VIT: variants seen among roughly 807,000 people sequenced by gnomAD.
VIT encodes vitrin.
A neutral mutation model predicts 78.0 loss-of-function variants in VIT; 99 were observed. The observed-to-expected ratio is 1.27, with a 90% confidence interval of 1.08 to 1.50. The LOEUF (loss-of-function observed/expected upper bound fraction) is 1.50. Ranked by LOEUF, VIT falls within the 40% of genes most tolerant of loss-of-function variation. The probability of loss-of-function intolerance (pLI) is 0.00; values close to 1 mark genes in which losing one functional copy is unlikely to be tolerated. For missense variants in VIT, 1,126 were observed against 875.3 expected (o/e 1.29, Z -3.61); for synonymous variants, 374 against 334.3 (o/e 1.12, Z -1.29).
intron 5 of VIT, among the ~76,000 whole-genome samples, chr2:36,758,314 C>T (rs1280371242): frequency 2.6e-5 from 4 of 152,188 alleles, no homozygotes; most frequent in Non-Finnish European, 5.9e-5. Flanking sequence ...CAGTGGCATT[C>T]TCACTTTACT....
At chr2:36,715,530 C>T (rs1220760476) in intron 1 of VIT, among the ~76,000 whole-genome samples, 4 of 147,828 alleles carry the variant, frequency 2.7e-5, no homozygotes, top group East Asian at 3.9e-4. Context: ...AGTGAGACTA[C>T]GTCTAAAAAA....
At chr2:36,732,603 T>A (rs1184559410) in intron 3 of VIT, among the ~76,000 whole-genome samples, 1 of 152,186 alleles carries the variant, frequency 6.6e-6, no homozygotes, top group Non-Finnish European at 1.5e-5. Context: ...GAAGGCACAT[T>A]ATTCACTCAT....
At chr2:36,697,043 C>CT (rs1558493405) in intron 1 of VIT, 70 bp downstream of exon 1, 1 of 151,808 alleles carries the variant, frequency 6.6e-6, no homozygotes, top group Non-Finnish European at 1.5e-5. Flanking sequence ...ACGTATTTGT[C>CT]TTTAAGAAAC....
intron 1 of VIT, among the ~76,000 whole-genome samples, chr2:36,714,833 G>A (rs769463915): frequency 5.3e-5 from 8 of 152,090 alleles, no homozygotes; most frequent in Non-Finnish European, 1.0e-4. Flanking sequence ...CCATGGTGAC[G>A]TATTGGGTGG....
intron 15 of VIT, among the ~76,000 whole-genome samples, chr2:36,813,341 C>T (rs1301450130): frequency 3.3e-5 from 5 of 151,922 alleles, no homozygotes; most frequent in African/African-American, 9.7e-5. Flanking sequence ...CCTAGCTACT[C>T]GGGAGGCTGA....
chr2:36,715,485 G>A (rs1325169392), intron 1 of VIT, among the ~76,000 whole-genome samples: 2 of 149,308 alleles, frequency 1.3e-5, no homozygotes, highest in Non-Finnish European at 3.0e-5. Flanking sequence ...GTAGTGAGCC[G>A]AGATCACACC....
intron 4 of VIT, among the ~76,000 whole-genome samples, chr2:36,747,696 C>A (rs1056633311): frequency 6.6e-6 from 1 of 152,150 alleles, no homozygotes; most frequent in Non-Finnish European, 1.5e-5. Context: ...GGTCTTGTTT[C>A]TTAATCCAAC....
intron 2 of VIT, among the ~76,000 whole-genome samples, chr2:36,725,602 TG>T (rs112932967): frequency 0.056 from 2,738 of 48,712 alleles, 14 homozygotes; most frequent in Middle Eastern, 0.083. Context: ...AGTTGAGGGG[TG>T]GGGGGGGGGT....
intron 6 of VIT, among the ~76,000 whole-genome samples, chr2:36,764,945 G>A (rs1356910856): frequency 6.6e-6 from 1 of 151,790 alleles, no homozygotes; most frequent in Non-Finnish European, 1.5e-5. Flanking sequence ...CTATCTTCTT[G>A]GTCTGCTGTG....
intron 12 of VIT, among the ~76,000 whole-genome samples, chr2:36,788,918 G>T (rs1388857924): frequency 3.3e-5 from 5 of 152,166 alleles, no homozygotes; most frequent in African/African-American, 4.8e-5. Flanking sequence ...AACAAATGTT[G>T]CAGGGAAGGA....
At chr2:36,771,494 C>A (rs1669752752) in intron 7 of VIT, among the ~76,000 whole-genome samples, 1 of 149,502 alleles carries the variant, frequency 6.7e-6, no homozygotes, top group Non-Finnish European at 1.5e-5. Flanking sequence ...CCACTGCACT[C>A]CAGCCTGGGT....
rs78060583 is a variant in VIT, at chr2:36,730,693, T to C, written c.118+1202T>C. On this transcript the variant is annotated intron_variant, in intron 3 of 15. Transcript: ENST00000379242. Reference sequence around the variant, plus strand: ...CAGCAGTTCCTGAGCTCTTGTACCATGCCCAAGAAGAATGAGGATAAGCTG... The same window carrying C: ...CAGCAGTTCCTGAGCTCTTGTACCACGCCCAAGAAGAATGAGGATAAGCTG... Among the ~76,000 whole-genome samples, 1,260 of 152,302 alleles carry C rather than the reference T, an allele frequency of 8.3e-3. 27 individuals are homozygous for C. Among genetic ancestry groups the C allele is most frequent in the African/African-American group, 0.029 (1,216 of 41,570 alleles).
chr2:36,814,444 G>A lies in VIT; in HGVS notation c.*83G>A, dbSNP rs540539352. ...CCCCACCGCTTAATGGGGCACGCAC[G>A]GTGCATCAAGTCTTGGGCAGGGCAT... is the stretch of plus-strand genomic sequence containing the variant. On this transcript the variant is annotated 3_prime_UTR_variant, in exon 16 of 16. Coordinates refer to ENST00000379242, the MANE Select transcript of VIT (RefSeq NM_053276.4). 28 of 1,489,310 alleles carry A rather than the reference G, an allele frequency of 1.9e-5. No individual in the cohort carries two copies. The highest frequency in any genetic ancestry group is 1.2e-4 in the South Asian group (9 of 77,156). 92.3% of individuals were successfully genotyped at this position (1,489,310 alleles called of 1,614,324 possible).
chr2:36,762,111 C>T (rs1182539722), intron 6 of VIT, among the ~76,000 whole-genome samples: 3 of 152,244 alleles, frequency 2.0e-5, no homozygotes, highest in Admixed American at 6.5e-5. Flanking sequence ...GTACGTTCTC[C>T]GCAGCAGAGA....
chr2:36,739,698 C>T (rs1455461418), intron 3 of VIT, among the ~76,000 whole-genome samples: 1 of 151,988 alleles, frequency 6.6e-6, no homozygotes, highest in East Asian at 1.9e-4. Context: ...AAAGTGAGAG[C>T]GTCTATGAGA....
intron 12 of VIT, among the ~76,000 whole-genome samples, chr2:36,799,423 G>C (rs1234170982): frequency 6.6e-6 from 1 of 152,134 alleles, no homozygotes; most frequent in African/African-American, 2.4e-5. Flanking sequence ...ACTTTAAAAA[G>C]TTTTCTTGGC....
intron 3 of VIT, among the ~76,000 whole-genome samples, chr2:36,738,742 C>T (rs78783825): frequency 1.1e-4 from 16 of 152,140 alleles, no homozygotes; most frequent in Non-Finnish European, 1.5e-4. Flanking sequence ...GCTAAGTGTG[C>T]GAGACAACAT....
chr2:36,729,471 A>G lies in VIT; in HGVS notation c.98A>G (p.Lys33Arg), dbSNP rs771833940. ...CATTCAAACAAAGAAACGGCAAAGAAGATTAAAAGGCCCAAGTTCAGTAAG... is the reference window on the plus strand; with the variant it reads ...CATTCAAACAAAGAAACGGCAAAGAGGATTAAAAGGCCCAAGTTCAGTAAG... ...GVHSNKETAK[K>R]IKRPKFTVPQ... The change falls in exon 3 of 16, where the codon AAG (lysine) becomes AGG (arginine). Residue 33 changes from lysine (K) to arginine (R), a missense_variant. Coordinates refer to ENST00000379242, the MANE Select transcript of VIT (RefSeq NM_053276.4). 1 of 1,609,484 alleles carries G rather than the reference A, an allele frequency of 6.2e-7. No individual in the cohort carries two copies. Among genetic ancestry groups the G allele is most frequent in the Non-Finnish European group, 8.5e-7 (1 of 1,178,052 alleles).
At chr2:36,708,120 G>T (rs76107762) in intron 1 of VIT, among the ~76,000 whole-genome samples, 1 of 105,552 alleles carries the variant, frequency 9.5e-6, no homozygotes. Flanking sequence ...TCCCCCCCCC[G>T]CCCACCTAGT....
Sources: allele counts gnomAD v4.1 joint callset (sites outside exome capture counted in the v4.1 genomes callset), GRCh38; gene constraint gnomAD v4.1.1; transcripts MANE v1.5; gene names NCBI Gene and HGNC (gene_info 2026-07-23, HGNC 2026-07-21).